The following MSH5 variants were observed in gnomAD, a reference collection of about 807,000 sequenced individuals.
MSH5 encodes mutS protein homolog 5.
MSH5 carries 78 observed loss-of-function variants against 107.7 expected under a neutral mutation model. The ratio of observed to expected loss-of-function variants is 0.72; its 90% CI spans 0.60 to 0.87. MSH5 has a LOEUF of 0.87. Ranked by LOEUF, MSH5 falls within the 40% of genes least tolerant of loss-of-function variation. The probability of loss-of-function intolerance (pLI) is 0.00; values close to 1 mark genes in which losing one functional copy is unlikely to be tolerated. For missense variants in MSH5, 889 were observed against 1,046.6 expected, an observed-to-expected ratio of 0.85 and a Z score of 2.08; for synonymous variants, 326 against 399.5, an observed-to-expected ratio of 0.82 and a Z score of 2.19.
rs1810185895 is a variant in MSH5 at position 31,753,740 on chromosome 6, T to A, written c.1014+111T>A. Reference sequence around the variant, plus strand: ...CCAATTTTATTCTACCCTCTTTTTTTTTTTTTTGGAGACAGCCTCGCTCTG... The same window carrying A: ...CCAATTTTATTCTACCCTCTTTTTTATTTTTTTGGAGACAGCCTCGCTCTG... On this transcript the variant is annotated intron_variant, in intron 12 of 24. Transcript: ENST00000375750. 4.5e-6 allele frequency: 5 copies of A among 1,106,318 alleles called. No individual in the cohort carries two copies. In the African/African-American group the frequency reaches 6.3e-5, roughly 14 times the overall value. 68.5% of individuals were successfully genotyped at this position (1,106,318 alleles called of 1,614,324 possible).
At chr6:31,750,653 GACTGGCCTAC>G (rs1222126239) in intron 10 of MSH5, among the ~76,000 whole-genome samples, 13 of 152,226 alleles carry the variant, frequency 8.5e-5, no homozygotes, top group Non-Finnish European at 1.5e-5. Flanking sequence ...GCTATTTACA[GACTGGCCTAC>G]ACTGTTCTGG....
chr6:31,740,622 G>C lies in MSH5; in HGVS notation c.147+9G>C, dbSNP rs1415422378. ...AGGAGGAGCTGGCCGAGGTCTCTGA[G>C]GGGAGTAGAAACTTGAATGGAGAGT... On this transcript the variant is annotated intron_variant, in intron 2 of 24. Coordinates refer to ENST00000375750, the MANE Select transcript of MSH5 (RefSeq NM_172166.4). This position sits in a 1 kb window ranked among gnomAD's most constrained non-coding sequence, Gnocchi z 4.4. 3.4e-6 allele frequency: 5 copies of C among 1,490,066 alleles called. No individual in the cohort carries two copies. The highest frequency in any genetic ancestry group is 4.5e-6 in the Non-Finnish European group (5 of 1,122,600). 92.3% of individuals were successfully genotyped at this position (1,490,066 alleles called of 1,614,324 possible).
intron 10 of MSH5, among the ~76,000 whole-genome samples, chr6:31,750,851 T>C (rs887698476): frequency 6.6e-6 from 1 of 152,186 alleles, no homozygotes; most frequent in Non-Finnish European, 1.5e-5. Flanking sequence ...TTATATAAGA[T>C]GGCATCCTTA....
At chr6:31,746,300 T>C (rs1809460161) in intron 9 of MSH5, 2 of 151,656 alleles carry the variant, frequency 1.3e-5, no homozygotes, top group Non-Finnish European at 2.9e-5. Context: ...TTTCACCATG[T>C]TGCCCAGGCT....
Position 31,761,182 on chromosome 6 carries a change from C to G in MSH5, c.1963-6C>G. The stretch of plus-strand genomic sequence containing the variant: ...AACTTTCCCTTGTCCACCTTATACC[C>G]AGCAGGTGGCGAAAGCAGTGAACAA... On this transcript the variant is annotated splice_region_variant and splice_polypyrimidine_tract_variant and intron_variant, in intron 20 of 24. Coordinates refer to ENST00000375750, the MANE Select transcript of MSH5 (RefSeq NM_172166.4). This position sits in a 1 kb window ranked among gnomAD's most constrained non-coding sequence, Gnocchi z 5.3. 6.2e-7 allele frequency: 1 copy of G among 1,613,296 alleles called. No individual in the cohort carries two copies. The highest frequency in any genetic ancestry group is 8.5e-7 in the Non-Finnish European group (1 of 1,179,670).
chr6:31,760,828 G>A lies in MSH5; in HGVS notation c.1951G>A (p.Asp651Asn), dbSNP rs758542821. Residue 651 changes from aspartate to asparagine, a missense_variant, in exon 20 of 25, where the codon GAC becomes AAC. By Grantham distance (23) the Asp-to-Asn change is conservative. Coordinates refer to ENST00000375750, the MANE Select transcript of MSH5 (RefSeq NM_172166.4). This position sits in a 1 kb window ranked among gnomAD's most constrained non-coding sequence, Gnocchi z 5.6. ...CCTTGGCCTCTCCACCTTCATGATCGACCTCAACCAGGTCAAAGGGAACAA... is the reference window on the plus strand; with the variant it reads ...CCTTGGCCTCTCCACCTTCATGATCAACCTCAACCAGGTCAAAGGGAACAA... ...ISLGLSTFMI[D>N]LNQVAKAVNN... 3.1e-6 allele frequency: 5 copies of A among 1,612,666 alleles called. No homozygotes were observed. Among genetic ancestry groups the A allele is most frequent in the South Asian group, 1.1e-5 (1 of 91,052 alleles).
At chr6:31,756,896 C>T (rs2151372469) in intron 12 of MSH5, 1 of 152,254 alleles carries the variant, frequency 6.6e-6, no homozygotes, top group African/African-American at 2.4e-5. Flanking sequence ...GCCTCGGCCT[C>T]CCAAAGTGCT....
In MSH5 at chr6:31,745,552, G is replaced by T. The variant is rs28381362; in HGVS notation, c.766+233G>T. On this transcript the variant is annotated intron_variant, in intron 9 of 24. Coordinates refer to ENST00000375750, the MANE Select transcript of MSH5 (RefSeq NM_172166.4). ...TATCAGCCATTACTTTACCAATTCT[G>T]TGTTCCTTCCCTGGGTTTGTATGAA... 2.7e-3 allele frequency among the ~76,000 whole-genome samples: 411 copies of T among 151,804 alleles called. 5 individuals carry two copies. Among genetic ancestry groups the T allele is most frequent in the African/African-American group, 9.3e-3 (384 of 41,352 alleles).
chr6:31,760,945 T>A lies in MSH5; in HGVS notation c.1962+106T>A. ...CATGCCCTCTGCTGCATGCCCTTTA[T>A]ACTAAAAGTGGGGAGCACTAAGGTC... On this transcript the variant is annotated intron_variant, in intron 20 of 24. Coordinates refer to ENST00000375750, the MANE Select transcript of MSH5 (RefSeq NM_172166.4). This position sits in a 1 kb window ranked among gnomAD's most constrained non-coding sequence, Gnocchi z 5.6. 1 of 1,325,884 alleles carries A rather than the reference T, an allele frequency of 7.5e-7. No individual in the cohort carries two copies. The highest frequency in any genetic ancestry group is 2.4e-5 in the Admixed American group (1 of 41,856). 82.1% of individuals were successfully genotyped at this position (1,325,884 alleles called of 1,614,324 possible).
At chr6:31,745,103 CAAAA>C (rs9279403) in intron 8 of MSH5, 130 bp from the exon 9 acceptor site, 23,417 of 352,320 alleles carry the variant, frequency 0.066, 2 homozygotes, top group East Asian at 0.1. Flanking sequence ...GACTCCATCT[CAAAA>C]AAAAAAAAAA....
rs1808802825 is a variant in MSH5, at chr6:31,740,908, C to T, written c.148-255C>T. Among the ~76,000 whole-genome samples the T allele has an allele frequency of 1.3e-5, 2 of 151,884 alleles. No homozygotes were observed. The highest frequency in any genetic ancestry group is 2.9e-5 in the Non-Finnish European group (2 of 67,966). On this transcript the variant is annotated intron_variant, in intron 2 of 24. Transcript: ENST00000375750. This position sits in a 1 kb window ranked among gnomAD's most constrained non-coding sequence, Gnocchi z 4.4. ...CTCGGGAGGCGGAGGTTGCAATGAG[C>T]TGAGATTGCTCCACTGCACTTCAGC...
chr6:31,745,373 T>C (rs770019168), intron 9 of MSH5, 54 bp downstream of exon 9: 9 of 1,282,862 alleles, frequency 7.0e-6, no homozygotes, highest in South Asian at 3.6e-5. Flanking sequence ...AGAAAAGCAA[T>C]TGGCTCCAAA....
At chr6:31,747,511 G>C in intron 10 of MSH5, 79 bp downstream of exon 10, 1 of 1,478,922 alleles carries the variant, frequency 6.8e-7, no homozygotes, top group Non-Finnish European at 9.4e-7. Flanking sequence ...ACTAATGGCA[G>C]TATACAGATT....
At chr6:31,750,273 AAAT>A (rs1809833236) in intron 10 of MSH5, among the ~76,000 whole-genome samples, 1 of 152,348 alleles carries the variant, frequency 6.6e-6, no homozygotes, top group East Asian at 1.9e-4. Context: ...AAAAAGATGT[AAAT>A]AATAATATAG....
At position 31,759,367 on chromosome 6, in the gene MSH5, G is replaced by C. The variant is rs1810754741; in HGVS notation, c.1408-58G>C. On this transcript the variant is annotated intron_variant, in intron 16 of 24. Transcript: ENST00000375750. This position sits in a 1 kb window ranked among gnomAD's most constrained non-coding sequence, Gnocchi z 4.7. ...GGCTGGAGGTGGGGTTAGAAAGATG[G>C]GGAAGGAGAGGAGGACCAAGAGATG... 3 of 1,563,848 alleles carry C rather than the reference G, an allele frequency of 1.9e-6. No homozygotes were observed. The highest frequency in any genetic ancestry group is 2.6e-6 in the Non-Finnish European group (3 of 1,137,000).
chr6:31,744,057 A>G, intron 6 of MSH5, 32 bp downstream of exon 6: 1 of 1,613,016 alleles, frequency 6.2e-7, no homozygotes, highest in Non-Finnish European at 8.5e-7. Flanking sequence ...AAGGGCTGGG[A>G]GGCGGCACAA....
rs1369489604 is a variant in MSH5 at position 31,758,935 on chromosome 6, T to C, written c.1326+60T>C. ...TCTTTTGGGGGAGATATTAGGCTTATGAAAGACATACTGGTAGATAAGAAA... is the reference window on the plus strand; with the variant it reads ...TCTTTTGGGGGAGATATTAGGCTTACGAAAGACATACTGGTAGATAAGAAA... On this transcript the variant is annotated intron_variant, in intron 15 of 24. Coordinates refer to ENST00000375750, the MANE Select transcript of MSH5 (RefSeq NM_172166.4). This position sits in a 1 kb window ranked among gnomAD's most constrained non-coding sequence, Gnocchi z 5.1. 6.7e-7 allele frequency: 1 copy of C among 1,499,544 alleles called. No individual in the cohort carries two copies. The highest frequency in any genetic ancestry group is 9.3e-7 in the Non-Finnish European group (1 of 1,077,060). 92.9% of individuals were successfully genotyped at this position (1,499,544 alleles called of 1,614,324 possible). A position where few individuals can be genotyped will look rare whatever the true frequency, so the allele number is the denominator to read the frequency against.
intron 9 of MSH5, among the ~76,000 whole-genome samples, chr6:31,746,870 T>G (rs1207377237): frequency 6.6e-6 from 1 of 152,222 alleles, no homozygotes; most frequent in Non-Finnish European, 1.5e-5. Flanking sequence ...TCACCCAGGC[T>G]GGAGTGCAGT....
intron 9 of MSH5, 26 bp downstream of exon 9, chr6:31,745,345 A>C: frequency 6.5e-7 from 1 of 1,544,434 alleles, no homozygotes; most frequent in Non-Finnish European, 8.9e-7. Flanking sequence ...CCCTCATCTC[A>C]CATTACAAAG....
Sources: allele counts gnomAD v4.1 joint callset (sites outside exome capture counted in the v4.1 genomes callset), GRCh38; gene constraint gnomAD v4.1.1; non-coding constraint Gnocchi (gnomAD v3.1); transcripts MANE v1.5; gene names NCBI Gene and HGNC (gene_info 2026-07-23, HGNC 2026-07-21).